The following PLPPR1 variants were observed in gnomAD, a reference collection of about 807,000 sequenced individuals.
The protein encoded by PLPPR1 is phospholipid phosphatase related 1.
In PLPPR1, 10 loss-of-function variants were observed where a neutral mutation model predicts 33.1. That is an observed-to-expected ratio of 0.30 (90% confidence interval 0.19 to 0.51). The LOEUF is 0.51. Among genes scored for constraint, PLPPR1 ranks in the 20% least tolerant of loss-of-function variants. The probability of loss-of-function intolerance (pLI) is 0.97; values close to 1 mark genes in which losing one functional copy is unlikely to be tolerated. For synonymous variants in PLPPR1, 151 were observed against 151.0 expected, an observed-to-expected ratio of 1.00 and a Z score of 0.00; for missense variants, 304 against 408.1, an observed-to-expected ratio of 0.74 and a Z score of 2.20.
chr9:101,259,979 A>G (rs1194987432), intron 2 of PLPPR1, among the ~76,000 whole-genome samples: 1 of 152,112 alleles, frequency 6.6e-6, no homozygotes, highest in Admixed American at 6.5e-5. Context: ...CGTTTTTTAG[A>G]AATGGAATGA....
At chr9:101,186,638 C>G (rs1185189334) in intron 2 of PLPPR1, among the ~76,000 whole-genome samples, 5 of 151,964 alleles carry the variant, frequency 3.3e-5, no homozygotes, top group East Asian at 3.9e-4. Flanking sequence ...TGTTCTCCAA[C>G]TTGAAATAAC....
intron 1 of PLPPR1, among the ~76,000 whole-genome samples, chr9:101,059,382 G>A (rs1830316613): frequency 6.6e-6 from 1 of 152,104 alleles, no homozygotes; most frequent in Non-Finnish European, 1.5e-5. Flanking sequence ...TAAACTAAAT[G>A]AGTATAACAA....
rs561889190 is a variant in PLPPR1, at chr9:101,114,682, GA to G, written c.-45-70764del. Among the ~76,000 whole-genome samples the G allele has an allele frequency of 3.3e-5, 5 of 152,234 alleles. No individual in the cohort carries two copies. In the South Asian group the frequency reaches 1.0e-3, roughly 32 times the overall value. On this transcript the variant is annotated intron_variant, in intron 1 of 7. Transcript: ENST00000374874. Reference sequence around the variant, plus strand: ...GTAGATCTTGGGGTAAGCAACAGTGGAAAAGGGATTTGAACTTTATCTGGTT... The same window carrying G: ...GTAGATCTTGGGGTAAGCAACAGTGGAAAGGGATTTGAACTTTATCTGGTT...
At chr9:101,249,535 T>G (rs1028824172) in intron 2 of PLPPR1, among the ~76,000 whole-genome samples, 9 of 152,022 alleles carry the variant, frequency 5.9e-5, no homozygotes, top group Admixed American at 2.6e-4. Flanking sequence ...ATATAGCATG[T>G]TTTTGTCATT....
At position 101,049,833 on chromosome 9, in the gene PLPPR1, A is replaced by T. The variant is rs557528354; in HGVS notation, c.-46+20731A>T. On this transcript the variant is annotated intron_variant, in intron 1 of 7. Transcript: ENST00000374874. ...TTAATAAGAGCCTTGATTTAAAAAA[A>T]AAAAAGTATAGGCCATGCGCGGTGG... 2.3e-3 allele frequency among the ~76,000 whole-genome samples: 349 copies of T among 152,204 alleles called. 1 individual carries two copies. The highest frequency in any genetic ancestry group is 7.6e-3 in the African/African-American group (315 of 41,556).
At chr9:101,192,860 A>G (rs1272192513) in intron 2 of PLPPR1, among the ~76,000 whole-genome samples, 1 of 152,240 alleles carries the variant, frequency 6.6e-6, no homozygotes. Flanking sequence ...TGACAAATAT[A>G]AAGTACTTCT....
chr9:101,068,615 A>G (rs1830447944), intron 1 of PLPPR1, among the ~76,000 whole-genome samples: 1 of 152,012 alleles, frequency 6.6e-6, no homozygotes, highest in Non-Finnish European at 1.5e-5. Context: ...CAAGGTGCCC[A>G]TAGGCTTAGT....
chr9:101,308,433 G>C (rs933256087), intron 4 of PLPPR1, among the ~76,000 whole-genome samples: 9 of 152,204 alleles, frequency 5.9e-5, no homozygotes, highest in African/African-American at 2.2e-4. Flanking sequence ...TTTGAGTTTA[G>C]CTTAGTGGAA....
At chr9:101,249,027 C>T (rs189607249) in intron 2 of PLPPR1, among the ~76,000 whole-genome samples, 94 of 152,196 alleles carry the variant, frequency 6.2e-4, no homozygotes, top group African/African-American at 2.2e-3. Flanking sequence ...GCATTCAATG[C>T]TGTGAGTTAG....
chr9:101,198,421 C>A (rs1826437078), intron 2 of PLPPR1, among the ~76,000 whole-genome samples: 1 of 152,210 alleles, frequency 6.6e-6, no homozygotes, highest in Non-Finnish European at 1.5e-5. Context: ...AACGGAGTCA[C>A]AACCAAACCT....
At chr9:101,106,151 T>A (rs1232633043) in intron 1 of PLPPR1, among the ~76,000 whole-genome samples, 1 of 151,104 alleles carries the variant, frequency 6.6e-6, no homozygotes. Flanking sequence ...CATTTACATT[T>A]AAAGTTAATA....
At chr9:101,143,527 C>A (rs990053461) in intron 1 of PLPPR1, among the ~76,000 whole-genome samples, 2 of 151,572 alleles carry the variant, frequency 1.3e-5, no homozygotes, top group South Asian at 2.1e-4. Context: ...ACAATCTACC[C>A]ATCTGACAAA....
intron 2 of PLPPR1, among the ~76,000 whole-genome samples, chr9:101,219,967 T>G (rs1235596929): frequency 6.6e-6 from 1 of 152,188 alleles, no homozygotes; most frequent in African/African-American, 2.4e-5. Flanking sequence ...CATTTCCCCA[T>G]AGTATTCTGG....
chr9:101,272,798 G>A, intron 3 of PLPPR1, among the ~76,000 whole-genome samples: 1 of 152,156 alleles, frequency 6.6e-6, no homozygotes, highest in East Asian at 1.9e-4. Context: ...TTTACAAAAT[G>A]TAGAGACTTT....
intron 1 of PLPPR1, among the ~76,000 whole-genome samples, chr9:101,060,212 G>A (rs542849356): frequency 3.3e-5 from 5 of 152,114 alleles, no homozygotes; most frequent in East Asian, 1.9e-4. Context: ...AGTGAAATAA[G>A]CCAGAAACAG....
intron 1 of PLPPR1, among the ~76,000 whole-genome samples, chr9:101,129,511 T>A (rs10989413): frequency 0.47 from 71,385 of 151,914 alleles, 17,225 homozygotes; most frequent in Non-Finnish European, 0.53. Context: ...TTCTGGTATA[T>A]CCACACACTC....
chr9:101,228,058 C>T (rs1201720802), intron 2 of PLPPR1, among the ~76,000 whole-genome samples: 1 of 152,200 alleles, frequency 6.6e-6, no homozygotes, highest in Non-Finnish European at 1.5e-5. Flanking sequence ...GGATTACAGA[C>T]ACAAACCACT....
chr9:101,182,466 C>G (rs1826131739), intron 1 of PLPPR1, among the ~76,000 whole-genome samples: 1 of 151,624 alleles, frequency 6.6e-6, no homozygotes, highest in Non-Finnish European at 1.5e-5. Flanking sequence ...TTATAAAAAT[C>G]AAAGCACCAC....
At chr9:101,184,241 T>A (rs2118714928) in intron 1 of PLPPR1, among the ~76,000 whole-genome samples, 1 of 151,964 alleles carries the variant, frequency 6.6e-6, no homozygotes, top group East Asian at 1.9e-4. Flanking sequence ...ACTTAAATAC[T>A]GTGGTTGGTA....
Sources: allele counts gnomAD v4.1 joint callset (sites outside exome capture counted in the v4.1 genomes callset), GRCh38; gene constraint gnomAD v4.1.1; transcripts MANE v1.5; gene names NCBI Gene and HGNC (gene_info 2026-07-23, HGNC 2026-07-21).